The following VWDE variants were observed in gnomAD, a reference collection of about 807,000 sequenced individuals.
The protein encoded by VWDE is von Willebrand factor D and EGF domains, also known as von Willebrand factor D and EGF domain-containing protein.
Under a neutral mutation model 178.4 loss-of-function variants are expected in VWDE, and 207 were observed. That is an observed-to-expected ratio of 1.16 (90% confidence interval 1.04 to 1.30). The LOEUF is 1.30. VWDE is among the 50% of genes most tolerant of loss of function. The pLI is 0.00. For missense variants in VWDE, 2,287 were observed against 1,901.3 expected (o/e 1.20, Z -3.77); for synonymous variants, 738 against 651.4 (o/e 1.13, Z -2.02).
chr7:12,388,872 C>T (rs1451023746), intron 3 of VWDE: 2 of 627,684 alleles, frequency 3.2e-6, no homozygotes, highest in South Asian at 1.5e-5. Flanking sequence ...TTAACACACT[C>T]AATCATTATG....
intron 7 of VWDE, chr7:12,377,564 A>T (rs982365827): frequency 2.0e-5 from 7 of 357,728 alleles, no homozygotes; most frequent in African/African-American, 8.4e-5. Flanking sequence ...TTCTTTTTTT[A>T]AAATGTATGC....
rs541874827 is a variant in VWDE, at chr7:12,370,069, C to T, written c.2237G>A (p.Arg746Gln). Residue 746 changes from arginine to glutamine, a missense_variant, in exon 12 of 29, where the codon CGA becomes CAA. Coordinates refer to ENST00000275358, the MANE Select transcript of VWDE (RefSeq NM_001135924.3). ...GTTCTGCCGTTTCCATCTGTTTTGT[C>T]GATTGTACCTCATTTCTTGGCTGTG... ...GSHSQEMRYN[R>Q]QNRWKRQNFH... 21 of 1,551,510 alleles carry T rather than the reference C, an allele frequency of 1.4e-5. No homozygotes were observed. In the East Asian group the frequency reaches 3.9e-4, roughly 29 times the overall value.
chr7:12,363,825 A>G (rs934232512), intron 13 of VWDE, among the ~76,000 whole-genome samples: 2 of 152,160 alleles, frequency 1.3e-5, no homozygotes, highest in Non-Finnish European at 1.5e-5. Flanking sequence ...AGAGTGTGGA[A>G]GAAACTCAAA....
At chr7:12,393,555 T>C in intron 2 of VWDE, 39 bp downstream of exon 2, 1 of 1,428,382 alleles carries the variant, frequency 7.0e-7, no homozygotes, top group Non-Finnish European at 9.3e-7. Flanking sequence ...GAAAAACACA[T>C]AAGGAAAATA....
At chr7:12,362,346 T>C (rs1023134830) in intron 13 of VWDE, among the ~76,000 whole-genome samples, 5 of 152,094 alleles carry the variant, frequency 3.3e-5, no homozygotes, top group African/African-American at 1.2e-4. Context: ...CTCTAAGAAA[T>C]ATACTATCCT....
At chr7:12,361,650 C>T in intron 13 of VWDE, 129 bp from the exon 14 acceptor site, 2 of 809,884 alleles carry the variant, frequency 2.5e-6, no homozygotes, top group Non-Finnish European at 3.5e-6. Flanking sequence ...AACAGGGAAA[C>T]AAAAGTCACA....
At chr7:12,350,214 C>A (rs1002900955) in intron 19 of VWDE, among the ~76,000 whole-genome samples, 5 of 151,752 alleles carry the variant, frequency 3.3e-5, no homozygotes, top group Non-Finnish European at 7.4e-5. Context: ...GGTAGCAGTG[C>A]ATTTATGGAA....
At chr7:12,336,012 C>G (rs918728624) in intron 27 of VWDE, 129 bp downstream of exon 27, 2 of 753,998 alleles carry the variant, frequency 2.7e-6, no homozygotes, top group African/African-American at 3.9e-5. Flanking sequence ...TATCTAAAAT[C>G]ATTTTTTAAA....
intron 24 of VWDE, among the ~76,000 whole-genome samples, chr7:12,337,655 C>T (rs1414705271): frequency 6.6e-6 from 1 of 152,124 alleles, no homozygotes; most frequent in East Asian, 1.9e-4. Flanking sequence ...TTAGACAAAT[C>T]TCAACAATTT....
Position 12,369,529 on chromosome 7 carries a change from G to A in VWDE, c.2761+16C>T, listed in dbSNP as rs1783039035. 6.7e-7 allele frequency: 1 copy of A among 1,496,556 alleles called. No homozygotes were observed. The highest frequency in any genetic ancestry group is 8.9e-7 in the Non-Finnish European group (1 of 1,117,960). 92.7% of individuals were successfully genotyped at this position (1,496,556 alleles called of 1,614,324 possible). On this transcript the variant is annotated intron_variant, in intron 12 of 28. Coordinates refer to ENST00000275358, the MANE Select transcript of VWDE (RefSeq NM_001135924.3). The stretch of plus-strand genomic sequence containing the variant: ...AATATCACATGCAATATCAAACTTT[G>A]AGAGTACTTACTTACCATAGGAATC...
At chr7:12,334,772 C>A (rs1047611273) in intron 27 of VWDE, among the ~76,000 whole-genome samples, 7 of 152,190 alleles carry the variant, frequency 4.6e-5, no homozygotes, top group Non-Finnish European at 1.0e-4. Flanking sequence ...AAGCATATTT[C>A]CCCATTAATA....
At chr7:12,354,421 A>G (rs1375899691) in intron 18 of VWDE, 3 of 443,146 alleles carry the variant, frequency 6.8e-6, no homozygotes, top group South Asian at 4.9e-5. Context: ...AAAGGTATTC[A>G]GGCATGCTAC....
chr7:12,386,999 TAA>T (rs902943248), intron 3 of VWDE, among the ~76,000 whole-genome samples: 1 of 152,194 alleles, frequency 6.6e-6, no homozygotes, highest in African/African-American at 2.4e-5. Flanking sequence ...ATAAATTTTA[TAA>T]GTTTATTATT....
At position 12,357,480 on chromosome 7, in the gene VWDE, T is replaced by C; in HGVS notation, c.3310A>G (p.Lys1104Glu). The change falls in exon 17 of 29, where the codon AAA becomes GAA. Residue 1104 changes from lysine (K) to glutamate (E), a missense_variant. Physicochemically the swap from Lys to Glu is moderately conservative, Grantham distance 56 (BLOSUM62 1). Coordinates refer to ENST00000275358, the MANE Select transcript of VWDE (RefSeq NM_001135924.3). ...QPPVIQALQD[K>E]LQTFYGENFE... ...TTTTCACCATAAAATGTCTGTAATT[T>C]GTCTTGCAATGCTTGAATCACTGGG... 1 of 1,552,200 alleles carries C rather than the reference T, an allele frequency of 6.4e-7. No individual in the cohort carries two copies. The highest frequency in any genetic ancestry group is 8.7e-7 in the Non-Finnish European group (1 of 1,147,118).
chr7:12,379,331 G>T, intron 6 of VWDE, 146 bp downstream of exon 6: 1 of 475,056 alleles, frequency 2.1e-6, no homozygotes, highest in Non-Finnish European at 3.6e-6. Flanking sequence ...AATTACTGGG[G>T]CTTTTCTTCA....
At chr7:12,372,153 T>C (rs561479187) in intron 10 of VWDE, among the ~76,000 whole-genome samples, 1 of 151,936 alleles carries the variant, frequency 6.6e-6, no homozygotes, top group Non-Finnish European at 1.5e-5. Flanking sequence ...TTTGAACATA[T>C]CAGATTTCTT....
At chr7:12,402,576 G>C (rs553853467) in intron 1 of VWDE, among the ~76,000 whole-genome samples, 6 of 151,824 alleles carry the variant, frequency 4.0e-5, no homozygotes, top group Non-Finnish European at 8.8e-5. Flanking sequence ...TATAAACATT[G>C]GTCATTTTTT....
intron 13 of VWDE, among the ~76,000 whole-genome samples, chr7:12,363,985 C>T (rs1415111529): frequency 6.6e-6 from 1 of 151,780 alleles, no homozygotes; most frequent in Non-Finnish European, 1.5e-5. Context: ...TGTTTTTTTA[C>T]AGAGGAAAGG....
chr7:12,403,771 A>G lies in VWDE; in HGVS notation c.-55T>C. 2.0e-6 allele frequency: 3 copies of G among 1,536,938 alleles called. No homozygotes were observed. The highest frequency in any genetic ancestry group is 2.6e-6 in the Non-Finnish European group (3 of 1,135,178). ...TCGCAGAGCCCGGGCCGCGGGTGCC[A>G]GGAGGATGGGGCCACAGCAGCCCCT... On this transcript the variant is annotated 5_prime_UTR_variant, in exon 1 of 29. Transcript: ENST00000275358.
Sources: gnomAD v4.1 joint callset for allele counts (sites outside exome capture counted in the v4.1 genomes callset) on GRCh38, gnomAD v4.1.1 for gene constraint, MANE v1.5 for transcripts, NCBI Gene and HGNC (gene_info 2026-07-23, HGNC 2026-07-21) for gene names.